Variants in ADAM22 observed in about 807,000 individuals in gnomAD.
ADAM22 encodes disintegrin and metalloproteinase domain-containing protein 22.
Under a neutral mutation model 144.6 loss-of-function variants are expected in ADAM22, and 65 were observed. The ratio of observed to expected loss-of-function variants is 0.45; its 90% CI spans 0.37 to 0.55. ADAM22 has a LOEUF of 0.55. ADAM22 is among the 20% of genes least tolerant of loss of function. The pLI is 0.00. For synonymous variants in ADAM22, 391 were observed against 412.6 expected (o/e 0.95, Z 0.63); for missense variants, 974 against 1,184.9 (o/e 0.82, Z 2.61).
At chr7:88,161,357 T>G (rs531738007) in intron 22 of ADAM22, among the ~76,000 whole-genome samples, 1 of 151,896 alleles carries the variant, frequency 6.6e-6, no homozygotes, top group African/African-American at 2.4e-5. Flanking sequence ...AACTCAAAAG[T>G]ATAAAAACCC....
chr7:88,083,726 T>A (rs1482686779), intron 4 of ADAM22, among the ~76,000 whole-genome samples: 2 of 151,818 alleles, frequency 1.3e-5, no homozygotes, highest in Non-Finnish European at 2.9e-5. Context: ...TCATAATGAC[T>A]TAAAATCTGG....
chr7:88,039,458 A>AT (rs1294657913), intron 3 of ADAM22, among the ~76,000 whole-genome samples: 15 of 78,690 alleles, frequency 1.9e-4, no homozygotes, highest in Admixed American at 1.3e-3. Flanking sequence ...TCAAAAAAAA[A>AT]AAAAAAATAT....
intron 7 of ADAM22, among the ~76,000 whole-genome samples, chr7:88,120,326 CCT>C (rs1828963782): frequency 6.6e-6 from 1 of 152,036 alleles, no homozygotes; most frequent in Admixed American, 6.6e-5. Flanking sequence ...ATCCCTCCCC[CCT>C]TCCCCCACCC....
chr7:88,150,136 G>A (rs576989917), intron 18 of ADAM22, among the ~76,000 whole-genome samples: 1 of 152,274 alleles, frequency 6.6e-6, no homozygotes, highest in South Asian at 2.1e-4. Flanking sequence ...CCTTCAGCAA[G>A]TTCCTCTGGT....
chr7:88,182,004 A>C lies in ADAM22; in HGVS notation c.2643A>C (p.Arg881Ser). 6.2e-7 allele frequency: 1 copy of C among 1,613,728 alleles called. No homozygotes were observed. Among genetic ancestry groups the C allele is most frequent in the South Asian group, 1.1e-5 (1 of 91,058 alleles). ...AGAAAATCAGAGGCAAAAGATTTAG[A>C]CCTCGGTCTAATTCAACTGAGTAAG... ...NKKKIRGKRF[R>S]PRSNSTEYLN... Residue 881 changes from arginine to serine, a missense_variant, in exon 29 of 32, where the codon AGA becomes AGC. Physicochemically the swap from Arg to Ser is moderately radical, Grantham distance 110. Around this residue, in one of 2 missense-constraint regions of ADAM22, gnomAD observed 734 missense variants for 950.6 expected, o/e 0.77. Transcript: ENST00000413139.
At chr7:88,144,847 G>A (rs941644733) in intron 15 of ADAM22, among the ~76,000 whole-genome samples, 1 of 151,830 alleles carries the variant, frequency 6.6e-6, no homozygotes, top group African/African-American at 2.4e-5. Context: ...CTTTAATTTT[G>A]ATGACATTTA....
chr7:88,147,693 T>A (rs979242212), intron 17 of ADAM22, among the ~76,000 whole-genome samples: 2 of 152,194 alleles, frequency 1.3e-5, no homozygotes, highest in Admixed American at 6.5e-5. Flanking sequence ...TATATACTGC[T>A]GTATCCTAGC....
chr7:88,103,388 G>T (rs1009976109), intron 4 of ADAM22, among the ~76,000 whole-genome samples: 12 of 151,918 alleles, frequency 7.9e-5, no homozygotes, highest in African/African-American at 2.9e-4. Context: ...GTATGTCTTT[G>T]AATTTTATAA....
At chr7:88,022,763 G>A (rs892656973) in intron 3 of ADAM22, among the ~76,000 whole-genome samples, 4 of 151,752 alleles carry the variant, frequency 2.6e-5, no homozygotes, top group Non-Finnish European at 5.9e-5. Context: ...TTTTTATTCC[G>A]GCTTTATATT....
intron 3 of ADAM22, among the ~76,000 whole-genome samples, chr7:88,024,177 C>A (rs757486499): frequency 7.2e-5 from 11 of 151,990 alleles, no homozygotes; most frequent in Non-Finnish European, 1.3e-4. Flanking sequence ...TCTGTTATAC[C>A]GACTTCCTTT....
chr7:88,141,603 T>G (rs939472455), intron 14 of ADAM22, among the ~76,000 whole-genome samples: 23 of 152,150 alleles, frequency 1.5e-4, no homozygotes, highest in Non-Finnish European at 2.4e-4. Context: ...AAAATCTTGG[T>G]GGCTTTTCTC....
chr7:88,133,014 TAA>T, intron 12 of ADAM22, 63 bp downstream of exon 12: 3 of 1,437,470 alleles, frequency 2.1e-6, no homozygotes, highest in African/African-American at 1.4e-5. Context: ...TCCTCATACT[TAA>T]GAGATAATTT....
chr7:88,112,476 A>G (rs1304211673), intron 5 of ADAM22, among the ~76,000 whole-genome samples: 1 of 152,228 alleles, frequency 6.6e-6, no homozygotes, highest in Non-Finnish European at 1.5e-5. Context: ...ACCAAAAACT[A>G]AAAAATTACT....
chr7:87,954,927 C>A (rs1285085693), intron 2 of ADAM22, among the ~76,000 whole-genome samples: 2 of 152,124 alleles, frequency 1.3e-5, no homozygotes, highest in Non-Finnish European at 2.9e-5. Context: ...TTGATCGCAT[C>A]GGCTCCTGAG....
intron 3 of ADAM22, among the ~76,000 whole-genome samples, chr7:88,012,889 C>T (rs1326135799): frequency 6.6e-6 from 1 of 152,212 alleles, no homozygotes; most frequent in Non-Finnish European, 1.5e-5. Flanking sequence ...AAGTCCTTCC[C>T]TGTGGAGAGT....
At chr7:88,171,262 G>A (rs1180453371) in intron 25 of ADAM22, among the ~76,000 whole-genome samples, 1 of 151,920 alleles carries the variant, frequency 6.6e-6, no homozygotes, top group Non-Finnish European at 1.5e-5. Flanking sequence ...AGCAGTGATT[G>A]ATGTTGAGAA....
intron 3 of ADAM22, among the ~76,000 whole-genome samples, chr7:88,006,983 G>T (rs1034778315): frequency 6.6e-6 from 1 of 151,920 alleles, no homozygotes; most frequent in African/African-American, 2.4e-5. Flanking sequence ...CAGATGACAT[G>T]ATTGTATATC....
At chr7:87,990,496 A>T (rs1584865527) in intron 3 of ADAM22, among the ~76,000 whole-genome samples, 1 of 152,194 alleles carries the variant, frequency 6.6e-6, no homozygotes, top group African/African-American at 2.4e-5. Flanking sequence ...AACTCTACCC[A>T]GGTATAGAAC....
chr7:88,182,861 A>C (rs992417294), intron 29 of ADAM22, among the ~76,000 whole-genome samples: 1 of 151,988 alleles, frequency 6.6e-6, no homozygotes, highest in Non-Finnish European at 1.5e-5. Flanking sequence ...CCTTCCTAAA[A>C]TTTTTTACTT....
Sources: allele counts gnomAD v4.1 joint callset (sites outside exome capture counted in the v4.1 genomes callset), GRCh38; gene constraint gnomAD v4.1.1; regional missense constraint gnomAD v4.1.1; transcripts MANE v1.5; gene names NCBI Gene and HGNC (gene_info 2026-07-23, HGNC 2026-07-21).